Variants in CDH7 observed in about 807,000 individuals in gnomAD.
CDH7 encodes the protein cadherin-7.
CDH7 carries 25 observed loss-of-function variants against 71.8 expected under a neutral mutation model. The ratio of observed to expected loss-of-function variants is 0.35; its 90% CI spans 0.25 to 0.49. CDH7 has a LOEUF of 0.49. Ranked by LOEUF, CDH7 falls within the 20% of genes least tolerant of loss-of-function variation. The probability of loss-of-function intolerance (pLI) is 0.99; values close to 1 mark genes in which losing one functional copy is unlikely to be tolerated. For synonymous variants in CDH7, 381 were observed against 363.8 expected (o/e 1.05, Z -0.54); for missense variants, 862 against 974.6 (o/e 0.88, Z 1.54).
rs1191677311 is a variant in CDH7, at chr18:65,781,824, T to TTC, written c.210+18774_210+18775dup. 1.5e-3 allele frequency among the ~76,000 whole-genome samples: 109 copies of TTC among 71,992 alleles called. 4 individuals carry two copies. The highest frequency in any genetic ancestry group is 2.0e-3 in the African/African-American group (18 of 8,936). The allele number at this position is 71,992 out of a possible 152,430, so 47.2% of individuals were successfully genotyped here. ...CTTCCTTCCTTCCTTCCTTCCTTCT[T>TTC]TCTTTCTTTCTTTCTTTCTTTCTTT... On this transcript the variant is annotated intron_variant, in intron 2 of 11. Coordinates refer to ENST00000397968, the MANE Select transcript of CDH7 (RefSeq NM_004361.5).
At position 65,825,298 on chromosome 18, in the gene CDH7, T is replaced by C. The variant is rs75584514; in HGVS notation, c.981+467T>C. On this transcript the variant is annotated intron_variant, in intron 6 of 11. Transcript: ENST00000397968. Reference sequence around the variant, plus strand: ...ACCAATTATTGCCATTTAAAATTTATAGTAATTGGAAGACTTGCATATTTC... The same window carrying C: ...ACCAATTATTGCCATTTAAAATTTACAGTAATTGGAAGACTTGCATATTTC... 8.4e-3 allele frequency among the ~76,000 whole-genome samples: 1,284 copies of C among 151,968 alleles called. 11 individuals carry two copies. Among genetic ancestry groups the C allele is most frequent in the Middle Eastern group, 0.031 (9 of 294 alleles).
intron 2 of CDH7, among the ~76,000 whole-genome samples, chr18:65,788,830 A>G (rs1910603925): frequency 6.6e-6 from 1 of 152,242 alleles, no homozygotes; most frequent in Non-Finnish European, 1.5e-5. Context: ...TATTCTGTAC[A>G]TTTCTGCCCT....
At chr18:65,762,421 G>A (rs1916217286) in intron 1 of CDH7, among the ~76,000 whole-genome samples, 1 of 152,166 alleles carries the variant, frequency 6.6e-6, no homozygotes, top group Non-Finnish European at 1.5e-5. Context: ...GTTATGAAAT[G>A]AAGATAGTTC....
chr18:65,754,421 C>T (rs563633639), intron 1 of CDH7, among the ~76,000 whole-genome samples: 32 of 152,112 alleles, frequency 2.1e-4, no homozygotes, highest in Non-Finnish European at 3.8e-4. Flanking sequence ...AGTTTCTTTA[C>T]GTGAGAAGTC....
rs1338106508 is a variant in CDH7 at position 65,839,724 on chromosome 18, A to T, written c.982-4088A>T. Among the ~76,000 whole-genome samples, 6 of 152,182 alleles carry T rather than the reference A, an allele frequency of 3.9e-5. No homozygotes were observed. In the South Asian group the frequency reaches 1.2e-3, roughly 32 times the overall value. On this transcript the variant is annotated intron_variant, in intron 6 of 11. Coordinates refer to ENST00000397968, the MANE Select transcript of CDH7 (RefSeq NM_004361.5). ...TCTCTAGAAGATTTCTCTGAGAGGA[A>T]TGATAAAGTTGTGTGAGAAAGAAAT...
rs138556738 is a variant in CDH7 at position 65,775,393 on chromosome 18, A to G, written c.210+12341A>G. On this transcript the variant is annotated intron_variant, in intron 2 of 11. Transcript: ENST00000397968. ...TTATCAAGACTAAATAAGTTAATAT[A>G]TGTAAAGAACTTCTTGTTTTATATA... is the stretch of plus-strand genomic sequence containing the variant. Among the ~76,000 whole-genome samples the G allele has an allele frequency of 3.9e-5, 6 of 152,320 alleles. No homozygotes were observed. In the East Asian group the frequency reaches 1.2e-3, roughly 29 times the overall value.
intron 11 of CDH7, among the ~76,000 whole-genome samples, chr18:65,868,223 T>C (rs981287737): frequency 6.6e-6 from 1 of 152,226 alleles, no homozygotes; most frequent in Non-Finnish European, 1.5e-5. Context: ...AGCATGAGCA[T>C]AATAAAAAAT....
intron 2 of CDH7, among the ~76,000 whole-genome samples, chr18:65,795,888 C>A (rs1019051618): frequency 1.3e-5 from 2 of 152,036 alleles, no homozygotes; most frequent in Non-Finnish European, 2.9e-5. Flanking sequence ...TGAGTTCTCA[C>A]AAGATCTGAG....
intron 1 of CDH7, among the ~76,000 whole-genome samples, chr18:65,753,509 T>C (rs981534394): frequency 6.6e-6 from 1 of 152,208 alleles, no homozygotes; most frequent in Admixed American, 6.5e-5. Context: ...AGCCTTAGCT[T>C]AAATTGGAAG....
At chr18:65,774,202 G>A (rs572130724) in intron 2 of CDH7, among the ~76,000 whole-genome samples, 56 of 151,604 alleles carry the variant, frequency 3.7e-4, no homozygotes, top group African/African-American at 8.7e-4. Context: ...TATTATTACT[G>A]TTATTAATAT....
intron 10 of CDH7, among the ~76,000 whole-genome samples, chr18:65,860,341 T>C (rs1333969734): frequency 6.6e-6 from 1 of 152,142 alleles, no homozygotes; most frequent in African/African-American, 2.4e-5. Flanking sequence ...AGAAATATAA[T>C]GTTAAAAATA....
At position 65,839,632 on chromosome 18, in the gene CDH7, CTT is replaced by C. The variant is rs1912656884; in HGVS notation, c.982-4179_982-4178del. Among the ~76,000 whole-genome samples, 4 of 152,210 alleles carry C rather than the reference CTT, an allele frequency of 2.6e-5. No homozygotes were observed. In the South Asian group the frequency reaches 8.3e-4, roughly 32 times the overall value. ...TGTGTACAACTCTTTGTAGTTAGCT[CTT>C]AATGTAAAAAAGTTTTATTACATGG... On this transcript the variant is annotated intron_variant, in intron 6 of 11. Transcript: ENST00000397968.
chr18:65,750,768 GGCGCGCTCTCTCCTCCTCTCCT>G (rs1568166029), upstream of CDH7: 1 of 152,728 alleles, frequency 6.5e-6, no homozygotes, highest in East Asian at 1.9e-4. Context: ...CCCCGGCTCC[GGCGCGCTCTCTCCTCCTCTCCT>G]GCGCGCCCTC....
chr18:65,846,004 TA>T (rs1344138078), intron 7 of CDH7, among the ~76,000 whole-genome samples: 2 of 152,174 alleles, frequency 1.3e-5, no homozygotes, highest in Non-Finnish European at 2.9e-5. Flanking sequence ...TTGATATTTT[TA>T]TCCTGTTTAA....
chr18:65,844,048 T>C lies in CDH7; in HGVS notation c.1218T>C (p.Ser406=), dbSNP rs565713623. ...CTGTAGCAGCTCATGACCCAGATTC[T>C]TCCAATAGCCCTGTGAGGTAAAAAC... The part of the protein sequence containing the change: ...IGTVAAHDPD[S]SNSPVRYSID... Residue 406 remains serine, a synonymous_variant, in exon 7 of 12, where the codon TCT becomes TCC. Transcript: ENST00000397968. The C allele has an allele frequency of 7.2e-5, 116 of 1,612,982 alleles. No individual in the cohort carries two copies. In the South Asian group the frequency reaches 1.2e-3, roughly 16 times the overall value.
intron 4 of CDH7, among the ~76,000 whole-genome samples, chr18:65,816,224 G>T (rs563916274): frequency 6.6e-6 from 1 of 151,898 alleles, no homozygotes; most frequent in South Asian, 2.1e-4. Flanking sequence ...TATGGTAATC[G>T]CTGGAACTTC....
At chr18:65,839,527 G>A (rs1599041784) in intron 6 of CDH7, among the ~76,000 whole-genome samples, 2 of 152,268 alleles carry the variant, frequency 1.3e-5, no homozygotes, top group South Asian at 4.1e-4. Flanking sequence ...AATTTTTGTG[G>A]TGGTTGGGGG....
intron 6 of CDH7, among the ~76,000 whole-genome samples, chr18:65,834,779 C>T (rs558301088): frequency 5.9e-5 from 9 of 152,084 alleles, no homozygotes; most frequent in Non-Finnish European, 1.0e-4. Flanking sequence ...GACTTCTTCC[C>T]GACTGTTTAA....
At chr18:65,846,119 T>C (rs961295174) in intron 7 of CDH7, among the ~76,000 whole-genome samples, 3 of 152,200 alleles carry the variant, frequency 2.0e-5, no homozygotes, top group Admixed American at 2.0e-4. Flanking sequence ...AATATTATTA[T>C]ATAATAATTT....
Sources: gnomAD v4.1 joint callset for allele counts (sites outside exome capture counted in the v4.1 genomes callset) on GRCh38, gnomAD v4.1.1 for gene constraint, MANE v1.5 for transcripts, NCBI Gene and HGNC (gene_info 2026-07-23, HGNC 2026-07-21) for gene names.